The following INTU variants were observed in gnomAD, a reference collection of about 807,000 sequenced individuals.
The protein encoded by INTU is protein inturned.
In INTU, 68 loss-of-function variants were observed where a neutral mutation model predicts 100.5. The ratio of observed to expected loss-of-function variants is 0.68; its 90% CI spans 0.56 to 0.83. The LOEUF (loss-of-function observed/expected upper bound fraction) is 0.83, where lower values mean the gene tolerates loss of function less well. Among genes scored for constraint, INTU ranks in the 40% least tolerant of loss-of-function variants. The pLI is 0.00. For synonymous variants in INTU, 357 were observed against 395.7 expected (o/e 0.90, Z 1.16); for missense variants, 1,071 against 1,114.7 (o/e 0.96, Z 0.56).
At chr4:127,674,043 T>C (rs1290024924) in intron 5 of INTU, 81 bp from the exon 6 acceptor site, 1 of 840,800 alleles carries the variant, frequency 1.2e-6, no homozygotes, top group East Asian at 2.8e-5. Flanking sequence ...TCATACCATA[T>C]GCAATCTTTT....
chr4:127,687,515 T>C (rs1729878359), intron 7 of INTU, 163 bp from the exon 8 acceptor site: 2 of 538,074 alleles, frequency 3.7e-6, no homozygotes, highest in Non-Finnish European at 3.2e-6. Flanking sequence ...TAAATTTCTT[T>C]ACACAATCCG....
chr4:127,657,111 C>T (rs1217335567), intron 3 of INTU, among the ~76,000 whole-genome samples: 2 of 150,370 alleles, frequency 1.3e-5, no homozygotes, highest in African/African-American at 4.9e-5. Context: ...GTTTTTTTTT[C>T]CAATGTGATT....
chr4:127,685,794 A>T (rs1249524276), intron 7 of INTU: 1 of 172,308 alleles, frequency 5.8e-6, no homozygotes, highest in Non-Finnish European at 1.2e-5. Flanking sequence ...ACATATAAAT[A>T]GTCCATTGGA....
At chr4:127,648,128 C>T (rs955916463) in intron 2 of INTU, among the ~76,000 whole-genome samples, 6 of 152,118 alleles carry the variant, frequency 3.9e-5, no homozygotes, top group Non-Finnish European at 7.4e-5. Context: ...TCTTATTTAA[C>T]AATGCAAATC....
At chr4:127,678,413 C>T (rs1729342659) in intron 6 of INTU, among the ~76,000 whole-genome samples, 1 of 152,164 alleles carries the variant, frequency 6.6e-6, no homozygotes, top group Non-Finnish European at 1.5e-5. Context: ...TCGGCAGAAA[C>T]CCTACAAGCC....
intron 1 of INTU, 74 bp from the exon 2 acceptor site, chr4:127,643,447 C>A: frequency 8.0e-7 from 1 of 1,249,212 alleles, no homozygotes; most frequent in Non-Finnish European, 1.1e-6. Flanking sequence ...CAACCCTCAC[C>A]CCCATGCCAG....
At chr4:127,698,641 T>G (rs1307265997) in intron 8 of INTU, among the ~76,000 whole-genome samples, 1 of 152,242 alleles carries the variant, frequency 6.6e-6, no homozygotes, top group Non-Finnish European at 1.5e-5. Flanking sequence ...TTCCCAGATA[T>G]TTGAGAATTT....
intron 6 of INTU, among the ~76,000 whole-genome samples, chr4:127,681,127 T>C (rs1729521033): frequency 6.6e-6 from 1 of 152,072 alleles, no homozygotes; most frequent in South Asian, 2.1e-4. Context: ...GGAAGAACAT[T>C]CCATGCTCAT....
At chr4:127,634,789 G>A (rs1186186347) in intron 1 of INTU, among the ~76,000 whole-genome samples, 2 of 152,108 alleles carry the variant, frequency 1.3e-5, no homozygotes, top group African/African-American at 4.8e-5. Context: ...GTCCCTTCTT[G>A]ATTTGTAGGA....
At chr4:127,643,447 C>CCCCA in intron 1 of INTU, 74 bp from the exon 2 acceptor site, 1 of 1,249,212 alleles carries the variant, frequency 8.0e-7, no homozygotes, top group Non-Finnish European at 1.1e-6. Flanking sequence ...CAACCCTCAC[C>CCCCA]CCCATGCCAG....
chr4:127,645,854 G>A (rs998027003), intron 2 of INTU, among the ~76,000 whole-genome samples: 3 of 152,102 alleles, frequency 2.0e-5, no homozygotes, highest in African/African-American at 7.2e-5. Context: ...GTGAGCCACC[G>A]TGCCTGGCCA....
intron 1 of INTU, among the ~76,000 whole-genome samples, chr4:127,638,356 T>G (rs1243468648): frequency 6.6e-6 from 1 of 152,188 alleles, no homozygotes; most frequent in African/African-American, 2.4e-5. Flanking sequence ...CTATAACAGA[T>G]TTGGAATAGT....
chr4:127,660,894 T>C (rs141893069), intron 3 of INTU, among the ~76,000 whole-genome samples: 18 of 152,236 alleles, frequency 1.2e-4, no homozygotes, highest in Non-Finnish European at 1.8e-4. Flanking sequence ...ACATATAATA[T>C]CCCTAATATT....
Position 127,644,086 on chromosome 4 carries a change from G to C in INTU, c.682+30G>C, listed in dbSNP as rs750155783. 1.9e-5 allele frequency: 30 copies of C among 1,578,072 alleles called. No individual in the cohort carries two copies. The South Asian group carries it at 3.4e-4, about 18-fold the overall frequency. On this transcript the variant is annotated intron_variant, in intron 2 of 15. Transcript: ENST00000335251. ...GTGTTGCTGGTACACATCCATCCCT[G>C]TTTACAGAGATCTTGATTAATGATG...
At chr4:127,657,872 C>T (rs973149492) in intron 3 of INTU, among the ~76,000 whole-genome samples, 1 of 151,964 alleles carries the variant, frequency 6.6e-6, no homozygotes, top group Non-Finnish European at 1.5e-5. Context: ...AAATAAAGTG[C>T]ACAATAAATG....
chr4:127,633,135 G>C lies in INTU; in HGVS notation c.101G>C (p.Arg34Pro), dbSNP rs1376760391. ...EEDEDYDFEDRVSDSGSYSSA... is the reference protein window; with the variant it reads ...EEDEDYDFEDPVSDSGSYSSA... ...GATGAGGACTATGATTTTGAAGATC[G>C]GGTCAGCGACTCGGGTTCATATTCC... Residue 34 changes from arginine (R) to proline (P), a missense_variant, in exon 1 of 16, where the codon CGG becomes CCG. Arg to Pro is a moderately radical substitution (Grantham distance 103). Coordinates refer to ENST00000335251, the MANE Select transcript of INTU (RefSeq NM_015693.4). 1.2e-6 allele frequency: 2 copies of C among 1,613,972 alleles called. No individual in the cohort carries two copies. The highest frequency in any genetic ancestry group is 1.7e-6 in the Non-Finnish European group (2 of 1,179,916).
intron 5 of INTU, among the ~76,000 whole-genome samples, chr4:127,670,174 G>C (rs887281969): frequency 2.6e-5 from 4 of 151,440 alleles, no homozygotes; most frequent in Admixed American, 2.0e-4. Flanking sequence ...ATAAATCTAA[G>C]AATTATAAAC....
Position 127,678,603 on chromosome 4 carries a change from A to G in INTU, c.1181+4390A>G, listed in dbSNP as rs867675556. ...CCCTAAAAGAGCTCCTGAAGGAAGC[A>G]CTAAACATGGAAAGGAACAACTGGT... is the stretch of plus-strand genomic sequence containing the variant. On this transcript the variant is annotated intron_variant, in intron 6 of 15. Coordinates refer to ENST00000335251, the MANE Select transcript of INTU (RefSeq NM_015693.4). Among the ~76,000 whole-genome samples the G allele has an allele frequency of 9.3e-4, 141 of 152,326 alleles. 1 individual carries two copies. Among genetic ancestry groups the G allele is most frequent in the African/African-American group, 3.3e-3 (136 of 41,568 alleles).
At chr4:127,661,633 T>C (rs1440917663) in intron 3 of INTU, among the ~76,000 whole-genome samples, 1 of 152,134 alleles carries the variant, frequency 6.6e-6, no homozygotes, top group African/African-American at 2.4e-5. Context: ...TAAAGCCCAA[T>C]GCCAGGGGAC....
Sources: allele counts gnomAD v4.1 joint callset (sites outside exome capture counted in the v4.1 genomes callset), GRCh38; gene constraint gnomAD v4.1.1; transcripts MANE v1.5; gene names NCBI Gene and HGNC (gene_info 2026-07-23, HGNC 2026-07-21).